Variants in CREM observed in about 807,000 individuals in gnomAD.
The protein encoded by CREM is cAMP-responsive element modulator.
CREM carries 13 observed loss-of-function variants against 37.3 expected under a neutral mutation model. The observed-to-expected ratio is 0.35, with a 90% CI of 0.23 to 0.55. The LOEUF (loss-of-function observed/expected upper bound fraction) is 0.55, where lower values mean the gene tolerates loss of function less well. Ranked by LOEUF, CREM falls within the 20% of genes least tolerant of loss-of-function variation. The pLI, the probability that CREM is intolerant of heterozygous loss-of-function variation, is 0.88. For missense variants in CREM, 296 were observed against 362.3 expected, an observed-to-expected ratio of 0.82 and a Z score of 1.49; for synonymous variants, 124 against 120.2, an observed-to-expected ratio of 1.03 and a Z score of -0.21.
At chr10:35,197,492 G>A (rs12762891) in intron 6 of CREM, among the ~76,000 whole-genome samples, 20,536 of 149,938 alleles carry the variant, frequency 0.14, 1,586 homozygotes, top group South Asian at 0.2. Context: ...TCGCTCTGTC[G>A]CCCAGGCTGG....
intron 3 of CREM, among the ~76,000 whole-genome samples, chr10:35,156,597 T>A (rs1342633196): frequency 6.6e-6 from 1 of 152,244 alleles, no homozygotes; most frequent in Non-Finnish European, 1.5e-5. Context: ...TTATAACCCT[T>A]GTAAATCCCA....
At chr10:35,195,234 GT>G (rs1435247935) in intron 6 of CREM, 1 of 1,613,600 alleles carries the variant, frequency 6.2e-7, no homozygotes, top group South Asian at 1.1e-5. Context: ...TTAAAGAGGG[GT>G]TTTCAGTTAA....
chr10:35,150,347 C>T (rs897983838), intron 3 of CREM, among the ~76,000 whole-genome samples: 4 of 152,110 alleles, frequency 2.6e-5, no homozygotes, highest in Non-Finnish European at 5.9e-5. Context: ...ACATTTTCTT[C>T]CTTCTGACTC....
chr10:35,139,814 A>G (rs746417574), intron 2 of CREM, among the ~76,000 whole-genome samples: 6 of 152,248 alleles, frequency 3.9e-5, no homozygotes, highest in East Asian at 1.9e-4. Context: ...AATGGACTCT[A>G]TAAATTCTAT....
intron 3 of CREM, among the ~76,000 whole-genome samples, chr10:35,155,631 C>CT (rs35872146): frequency 3.4e-5 from 5 of 145,916 alleles, no homozygotes; most frequent in African/African-American, 1.0e-4. Flanking sequence ...CTTTTCTTTT[C>CT]TTTTTTTTTT....
chr10:35,155,805 A>G (rs1300350324), intron 3 of CREM, among the ~76,000 whole-genome samples: 6 of 149,488 alleles, frequency 4.0e-5, no homozygotes, highest in Non-Finnish European at 3.0e-5. Context: ...TTGTTTTTGT[A>G]GTTTTAGTAG....
At chr10:35,140,976 G>A (rs1434606907) in intron 2 of CREM, among the ~76,000 whole-genome samples, 1 of 152,226 alleles carries the variant, frequency 6.6e-6, no homozygotes, top group African/African-American at 2.4e-5. Flanking sequence ...TTGAATGGCA[G>A]TGTGGTTTAG....
chr10:35,164,647 A>G lies in CREM; in HGVS notation c.169-14242A>G, dbSNP rs551577154. 1.3e-4 allele frequency among the ~76,000 whole-genome samples: 20 copies of G among 152,314 alleles called. No individual in the cohort carries two copies. In the South Asian group the frequency reaches 4.1e-3, roughly 32 times the overall value. On this transcript the variant is annotated intron_variant, in intron 3 of 7. Transcript: ENST00000685392. ...CATTATAATTTTTGTAAGGAGCTAA[A>G]CTCTTAGACTTTACTATTTATGTAC...
At chr10:35,210,279 T>G (rs1201113605) in intron 7 of CREM, 3 of 152,170 alleles carry the variant, frequency 2.0e-5, no homozygotes, top group African/African-American at 7.2e-5. Context: ...AATTAAAGGG[T>G]GTCTTCTACA....
At chr10:35,159,356 T>C (rs2093147340) in intron 3 of CREM, among the ~76,000 whole-genome samples, 1 of 151,616 alleles carries the variant, frequency 6.6e-6, no homozygotes, top group Non-Finnish European at 1.5e-5. Flanking sequence ...TAAAACTGCA[T>C]GGTACCAGCA....
intron 1 of CREM, among the ~76,000 whole-genome samples, chr10:35,134,866 C>T (rs973775163): frequency 3.3e-5 from 5 of 151,750 alleles, no homozygotes; most frequent in South Asian, 2.1e-4. Flanking sequence ...GGTGAAACAC[C>T]ATCTCTACTA....
intron 6 of CREM, 142 bp from the exon 7 acceptor site, chr10:35,206,753 T>G: frequency 1.3e-6 from 1 of 795,212 alleles, no homozygotes; most frequent in South Asian, 1.5e-5. Context: ...GAGATTGCTA[T>G]AATGCTCAGA....
At chr10:35,137,926 T>G in intron 2 of CREM, 47 bp downstream of exon 2, 1 of 1,483,068 alleles carries the variant, frequency 6.7e-7, no homozygotes, top group Non-Finnish European at 9.2e-7. Flanking sequence ...TCTACTTAGC[T>G]TAAAGTTCAT....
At position 35,212,057 on chromosome 10, in the gene CREM, AC is replaced by A; in HGVS notation, c.*660del. The A allele has an allele frequency of 3.0e-6, 1 of 335,356 alleles. No individual in the cohort carries two copies. Among genetic ancestry groups the A allele is most frequent in the Non-Finnish European group, 5.4e-6 (1 of 186,792 alleles). The allele number at this position is 335,356 out of a possible 1,614,324, so 20.8% of individuals were successfully genotyped here. On this transcript the variant is annotated 3_prime_UTR_variant, in exon 8 of 8. Coordinates refer to ENST00000685392, the MANE Select transcript of CREM (RefSeq NM_183011.2). ...TGTAAGGCTTGTTCCAATGCCACAT[AC>A]TTGCAGCTCCCATTCTATGTGTCAT...
chr10:35,146,032 T>C (rs1188058306), intron 2 of CREM, among the ~76,000 whole-genome samples: 1 of 152,232 alleles, frequency 6.6e-6, no homozygotes, highest in Non-Finnish European at 1.5e-5. Context: ...AACAACCATG[T>C]AGTTAATGGA....
At chr10:35,169,965 CT>C (rs71033381) in intron 3 of CREM, among the ~76,000 whole-genome samples, 167 of 135,432 alleles carry the variant, frequency 1.2e-3, no homozygotes, top group Admixed American at 1.4e-3. Context: ...GGTGGAGAAG[CT>C]TTTTTTTTTT....
chr10:35,163,328 CCT>C lies in CREM; in HGVS notation c.168+14838_168+14839del, dbSNP rs200354932. ...GTATTGCCTTTGTAAGTTGGTCTCC[CCT>C]GTCTTTTGTTCCTAGAGCTTTCTCA... On this transcript the variant is annotated intron_variant, in intron 3 of 7. Transcript: ENST00000685392. Among the ~76,000 whole-genome samples the C allele has an allele frequency of 7.2e-3, 1,094 of 152,180 alleles. 14 individuals are homozygous for C. Among genetic ancestry groups the C allele is most frequent in the African/African-American group, 0.025 (1,032 of 41,504 alleles).
At chr10:35,131,160 A>G (rs1276194946) in intron 1 of CREM, among the ~76,000 whole-genome samples, 1 of 152,228 alleles carries the variant, frequency 6.6e-6, no homozygotes, top group Non-Finnish European at 1.5e-5. Context: ...ATCTCCACAA[A>G]TGAGAAACAT....
chr10:35,149,682 G>A (rs2092430833), intron 3 of CREM, among the ~76,000 whole-genome samples: 2 of 151,986 alleles, frequency 1.3e-5, no homozygotes, highest in Admixed American at 6.6e-5. Flanking sequence ...GAAACACCAG[G>A]CACTTCTTGG....
Sources: allele counts gnomAD v4.1 joint callset (sites outside exome capture counted in the v4.1 genomes callset), GRCh38; gene constraint gnomAD v4.1.1; transcripts MANE v1.5; gene names NCBI Gene and HGNC (gene_info 2026-07-23, HGNC 2026-07-21).